The following KIDINS220 variants were observed in gnomAD, a reference collection of about 807,000 sequenced individuals.
KIDINS220 encodes the protein kinase D-interacting substrate of 220 kDa.
KIDINS220 carries 63 observed loss-of-function variants against 157.6 expected under a neutral mutation model. The ratio of observed to expected loss-of-function variants is 0.40; its 90% CI spans 0.33 to 0.49. KIDINS220 has a LOEUF of 0.49. Among genes scored for constraint, KIDINS220 ranks in the 20% least tolerant of loss-of-function variants. The pLI is 0.66. For missense variants in KIDINS220, 1,772 were observed against 2,171.2 expected (o/e 0.82, Z 3.65); for synonymous variants, 732 against 783.6 (o/e 0.93, Z 1.10).
At chr2:8,789,348 CGCCATCTCGGCTCACT>C (rs1672865590) in intron 14 of KIDINS220, among the ~76,000 whole-genome samples, 1 of 48,230 alleles carries the variant, frequency 2.1e-5, no homozygotes, top group Non-Finnish European at 6.7e-5. Flanking sequence ...AGAGCAGTGG[CGCCATCTCGGCTCACT>C]GCAACCTCCC....
Position 8,789,959 on chromosome 2 carries a change from T to C in KIDINS220, c.1542A>G (p.Leu514=), listed in dbSNP as rs994111069. 2.5e-6 allele frequency: 4 copies of C among 1,613,864 alleles called. No individual in the cohort carries two copies. Among genetic ancestry groups the C allele is most frequent in the Non-Finnish European group, 8.5e-7 (1 of 1,179,926 alleles). The change falls in exon 14 of 30, where the codon TTA becomes TTG. Residue 514 remains leucine, a synonymous_variant. Coordinates refer to ENST00000256707, the MANE Select transcript of KIDINS220 (RefSeq NM_020738.4). ...TTGGGTGGACCGTGAAGGCAAACAA[T>C]AAACCAAGCCCTCCACAAAGTAGCA... ...LTLLLCGGLG[L]LFAFTVHPNL...
Position 8,730,589 on chromosome 2 carries a change from T to C in KIDINS220, c.*131A>G. On this transcript the variant is annotated 3_prime_UTR_variant, in exon 30 of 30. Coordinates refer to ENST00000256707, the MANE Select transcript of KIDINS220 (RefSeq NM_020738.4). ...TCTGTCACACTGCAGATGTCTCTTT[T>C]ACCTCGGCCTCATCATCGGTTAGTT... The C allele has an allele frequency of 3.5e-6, 5 of 1,441,492 alleles. No homozygotes were observed. Among genetic ancestry groups the C allele is most frequent in the Non-Finnish European group, 4.5e-6 (5 of 1,104,210 alleles). The allele number at this position is 1,441,492 out of a possible 1,614,324, so 89.3% of individuals were successfully genotyped here.
At chr2:8,806,853 T>C (rs1306475609) in intron 6 of KIDINS220, among the ~76,000 whole-genome samples, 3 of 152,232 alleles carry the variant, frequency 2.0e-5, no homozygotes, top group Non-Finnish European at 4.4e-5. Context: ...AGTGCTGGGA[T>C]TACAGACATG....
intron 17 of KIDINS220, 57 bp from the exon 18 acceptor site, chr2:8,779,871 A>G: frequency 6.4e-7 from 1 of 1,568,486 alleles, no homozygotes; most frequent in Non-Finnish European, 8.7e-7. Context: ...AAGCTTAAAC[A>G]TATTTCTTAG....
chr2:8,744,382 AAAAAAAATATATATATATAATAT>A (rs1302883483), intron 26 of KIDINS220, among the ~76,000 whole-genome samples: 7 of 28,672 alleles, frequency 2.4e-4, no homozygotes, highest in African/African-American at 1.1e-3. Context: ...AAAAAAAAAA[AAAAAAAATATATATATATAATAT>A]ATATATATAT....
chr2:8,734,812 A>G, intron 27 of KIDINS220, 59 bp from the exon 28 acceptor site: 1 of 1,225,840 alleles, frequency 8.2e-7, no homozygotes, highest in Admixed American at 2.0e-5. Context: ...ATTCTGAATT[A>G]CTAGTGATTG....
At chr2:8,830,352 C>A (rs4669343) in intron 1 of KIDINS220, among the ~76,000 whole-genome samples, 146,672 of 152,278 alleles carry the variant, frequency 0.96, 70,703 homozygotes, top group Middle Eastern at 0.99. Flanking sequence ...ATCTACTTTC[C>A]TTCTAGACCA....
chr2:8,813,902 C>T (rs1360933445), intron 4 of KIDINS220, among the ~76,000 whole-genome samples: 5 of 151,784 alleles, frequency 3.3e-5, no homozygotes, highest in East Asian at 1.9e-4. Context: ...CCAGCACAGG[C>T]GACAGTGCGA....
intron 17 of KIDINS220, among the ~76,000 whole-genome samples, chr2:8,784,198 A>G (rs1315013658): frequency 2.0e-5 from 3 of 152,110 alleles, no homozygotes; most frequent in Non-Finnish European, 4.4e-5. Flanking sequence ...ACAAAAAAAA[A>G]AAAAGAAAAG....
At chr2:8,756,100 C>T (rs1478414606) in intron 22 of KIDINS220, among the ~76,000 whole-genome samples, 1 of 152,158 alleles carries the variant, frequency 6.6e-6, no homozygotes, top group Non-Finnish European at 1.5e-5. Context: ...GTCTTCCTAC[C>T]CATGAGCACA....
downstream of KIDINS220, chr2:8,722,721 CT>C (rs1011800638): frequency 1.3e-5 from 2 of 152,160 alleles, no homozygotes; most frequent in Non-Finnish European, 2.9e-5. Context: ...GAAACTTCAC[CT>C]TTCCCCTATT....
In KIDINS220 at chr2:8,750,375, A is replaced by G. The variant is rs76429367; in HGVS notation, c.3191-40T>C. 1,715 of 1,381,234 alleles carry G rather than the reference A, an allele frequency of 1.2e-3. 29 individuals are homozygous for G. The African/African-American group carries it at 0.022, about 18-fold the overall frequency. The allele number at this position is 1,381,234 out of a possible 1,614,324, so 85.6% of individuals were successfully genotyped here. The stretch of plus-strand genomic sequence containing the variant: ...CAGACCCCAGAAGGCAAGAGAAAAC[A>G]GGACATTAGGAATCAGTCCAATTAT... On this transcript the variant is annotated intron_variant, in intron 23 of 29. Transcript: ENST00000256707.
chr2:8,728,321 TCAAA>T (rs142900998), downstream of KIDINS220, among the ~76,000 whole-genome samples: 39,019 of 151,124 alleles, frequency 0.26, 5,173 homozygotes, highest in Middle Eastern at 0.35. Context: ...AGAGACTGCC[TCAAA>T]CAAACAAACA....
rs1466726665 is a variant in KIDINS220 at position 8,736,972 on chromosome 2, C to T, written c.3613G>A (p.Val1205Ile). 3.7e-6 allele frequency: 6 copies of T among 1,614,148 alleles called. No homozygotes were observed. The Admixed American group carries it at 6.7e-5, about 18-fold the overall frequency. ...TCCACATTCAGTGAATTCAGTAATA[C>T]CACTGGGCCTGGGGCTGGGCCTGAC... ...RGSGPAPGPVVLLNSLNVDAV... is the reference protein window; with the variant it reads ...RGSGPAPGPVILLNSLNVDAV... Residue 1205 changes from valine (V) to isoleucine (I), a missense_variant, in exon 27 of 30, where the codon GTA (valine) becomes ATA (isoleucine). Val to Ile is a conservative substitution (Grantham distance 29). Transcript: ENST00000256707.
intron 21 of KIDINS220, among the ~76,000 whole-genome samples, chr2:8,775,300 T>C (rs1455686419): frequency 6.6e-6 from 1 of 152,232 alleles, no homozygotes; most frequent in Non-Finnish European, 1.5e-5. Flanking sequence ...GGCATATAGA[T>C]GGCATTTAAG....
At chr2:8,822,121 C>T (rs1387419675) in intron 2 of KIDINS220, among the ~76,000 whole-genome samples, 1 of 152,190 alleles carries the variant, frequency 6.6e-6, no homozygotes, top group East Asian at 1.9e-4. Flanking sequence ...CTCAGCTTCC[C>T]AGAAGACTAC....
intron 22 of KIDINS220, among the ~76,000 whole-genome samples, chr2:8,765,168 G>A (rs1289978234): frequency 1.3e-5 from 2 of 152,148 alleles, no homozygotes; most frequent in South Asian, 2.1e-4. Flanking sequence ...AGGACACTGC[G>A]AACTCCAGCA....
At chr2:8,783,989 T>C (rs1018326234) in intron 17 of KIDINS220, among the ~76,000 whole-genome samples, 2 of 151,812 alleles carry the variant, frequency 1.3e-5, no homozygotes, top group Non-Finnish European at 2.9e-5. Context: ...GAGAACAAAA[T>C]AGGAGGACTG....
At chr2:8,796,656 G>T in intron 11 of KIDINS220, 115 bp downstream of exon 11, 1 of 809,680 alleles carries the variant, frequency 1.2e-6, no homozygotes, top group South Asian at 1.5e-5. Flanking sequence ...GACATCCCCA[G>T]CAAGTCATCT....
Sources: allele counts gnomAD v4.1 joint callset (sites outside exome capture counted in the v4.1 genomes callset), GRCh38; gene constraint gnomAD v4.1.1; transcripts MANE v1.5; gene names NCBI Gene and HGNC (gene_info 2026-07-23, HGNC 2026-07-21).